Variants in MAGI2 observed in about 807,000 individuals in gnomAD.
MAGI2 encodes the protein membrane-associated guanylate kinase, WW and PDZ domain-containing protein 2.
A neutral mutation model predicts 133.3 loss-of-function variants in MAGI2; 35 were observed. The observed-to-expected ratio is 0.26, with a 90% CI of 0.20 to 0.35. The LOEUF is 0.35. Ranked by LOEUF, MAGI2 falls within the 10% of genes least tolerant of loss-of-function variation. The pLI is 1.00. For synonymous variants in MAGI2, 729 were observed against 710.6 expected, an observed-to-expected ratio of 1.03 and a Z score of -0.41; for missense variants, 1,636 against 1,863.4, an observed-to-expected ratio of 0.88 and a Z score of 2.25.
chr7:78,362,964 A>G (rs893303939), intron 7 of MAGI2, among the ~76,000 whole-genome samples: 1 of 152,202 alleles, frequency 6.6e-6, no homozygotes, highest in Admixed American at 6.5e-5. Context: ...TCCTTTGTAC[A>G]TGTTGTGACT....
chr7:79,309,968 TA>T lies in MAGI2; in HGVS notation c.301+143051del, dbSNP rs111847690. Among the ~76,000 whole-genome samples the T allele has an allele frequency of 4.0e-3, 403 of 101,488 alleles. 2 individuals are homozygous for T. The highest frequency in any genetic ancestry group is 0.012 in the African/African-American group (314 of 26,972). The allele number at this position is 101,488 out of a possible 152,430, so 66.6% of individuals were successfully genotyped here. ...CAACATAGGGAAACCTTGTTTTTCC[TA>T]AAAAAAAAAAAAAAGAAAAGAAAAG... is the stretch of plus-strand genomic sequence containing the variant. On this transcript the variant is annotated intron_variant, in intron 1 of 21. Coordinates refer to ENST00000354212, the MANE Select transcript of MAGI2 (RefSeq NM_012301.4).
intron 6 of MAGI2, among the ~76,000 whole-genome samples, chr7:78,483,639 C>T (rs1326966399): frequency 6.6e-6 from 1 of 151,494 alleles, no homozygotes; most frequent in African/African-American, 2.4e-5. Context: ...TTATTTCCTC[C>T]ACAAAAGATT....
At chr7:78,124,527 T>C (rs1228300099) in intron 20 of MAGI2, among the ~76,000 whole-genome samples, 2 of 152,100 alleles carry the variant, frequency 1.3e-5, no homozygotes, top group African/African-American at 4.8e-5. Context: ...GACTTGGTGG[T>C]AGAAATAACA....
chr7:78,829,591 G>A (rs1315347877), intron 2 of MAGI2, among the ~76,000 whole-genome samples: 2 of 152,022 alleles, frequency 1.3e-5, no homozygotes, highest in South Asian at 2.1e-4. Flanking sequence ...CAAAAAGCCT[G>A]CTATAGATAA....
chr7:78,291,510 G>A (rs1041452327), intron 9 of MAGI2, among the ~76,000 whole-genome samples: 2 of 152,142 alleles, frequency 1.3e-5, no homozygotes, highest in Non-Finnish European at 2.9e-5. Flanking sequence ...GGTACAAGGA[G>A]GAGCTGGTAC....
intron 18 of MAGI2, among the ~76,000 whole-genome samples, chr7:78,130,104 G>A (rs1821412040): frequency 6.6e-6 from 1 of 152,112 alleles, no homozygotes; most frequent in Non-Finnish European, 1.5e-5. Flanking sequence ...TTTATACTTA[G>A]TTTTGAAATA....
chr7:79,152,873 G>C (rs1823393815), intron 1 of MAGI2, among the ~76,000 whole-genome samples: 2 of 152,130 alleles, frequency 1.3e-5, no homozygotes, highest in Admixed American at 1.3e-4. Context: ...ACTGAGTACA[G>C]ACTTAAGGTA....
intron 2 of MAGI2, among the ~76,000 whole-genome samples, chr7:78,830,354 C>A (rs1397502833): frequency 6.6e-6 from 1 of 152,078 alleles, no homozygotes; most frequent in African/African-American, 2.4e-5. Context: ...CAACAAACAG[C>A]TTTTCCATTT....
chr7:78,589,357 C>G (rs887504110), intron 3 of MAGI2, among the ~76,000 whole-genome samples: 4 of 152,172 alleles, frequency 2.6e-5, no homozygotes, highest in Non-Finnish European at 5.9e-5. Flanking sequence ...CACAGAGAAG[C>G]TAAACAGCTT....
chr7:78,369,731 C>T (rs1041720043), intron 6 of MAGI2, among the ~76,000 whole-genome samples: 5 of 151,872 alleles, frequency 3.3e-5, no homozygotes, highest in Admixed American at 2.6e-4. Flanking sequence ...TTGAATGCTG[C>T]CAATACACTC....
chr7:78,578,321 T>C (rs1013806786), intron 3 of MAGI2, among the ~76,000 whole-genome samples: 13 of 152,170 alleles, frequency 8.5e-5, no homozygotes, highest in African/African-American at 3.1e-4. Context: ...AAATATTACA[T>C]ATAATAAAGG....
intron 2 of MAGI2, among the ~76,000 whole-genome samples, chr7:78,755,390 A>T (rs1350415700): frequency 6.6e-6 from 1 of 152,208 alleles, no homozygotes; most frequent in Non-Finnish European, 1.5e-5. Context: ...GGTTTAATGT[A>T]TATTTGCAAT....
chr7:78,669,767 T>C (rs1814118668), intron 2 of MAGI2, among the ~76,000 whole-genome samples: 4 of 152,174 alleles, frequency 2.6e-5, no homozygotes, highest in African/African-American at 4.8e-5. Flanking sequence ...GCTGGTTCAA[T>C]ATATGCAAAT....
chr7:79,209,128 T>G (rs1829295468), intron 1 of MAGI2, among the ~76,000 whole-genome samples: 2 of 152,004 alleles, frequency 1.3e-5, no homozygotes, highest in Non-Finnish European at 2.9e-5. Context: ...TTGTATTCAA[T>G]AATACGTTGT....
chr7:79,171,378 A>C (rs1825525959), intron 1 of MAGI2, among the ~76,000 whole-genome samples: 1 of 152,010 alleles, frequency 6.6e-6, no homozygotes, highest in Non-Finnish European at 1.5e-5. Context: ...GGTCTACTCT[A>C]CTATAACTCA....
intron 10 of MAGI2, among the ~76,000 whole-genome samples, chr7:78,243,013 A>T (rs1791320549): frequency 6.6e-6 from 1 of 152,160 alleles, no homozygotes; most frequent in Admixed American, 6.5e-5. Context: ...TCAAGGCAGC[A>T]GTGAACTGTG....
At chr7:78,731,904 T>C (rs1302226349) in intron 2 of MAGI2, among the ~76,000 whole-genome samples, 1 of 152,086 alleles carries the variant, frequency 6.6e-6, no homozygotes, top group Admixed American at 6.5e-5. Flanking sequence ...GAATGTAAAA[T>C]TTCAGGAGAT....
intron 11 of MAGI2, among the ~76,000 whole-genome samples, chr7:78,198,214 G>T (rs1828903649): frequency 6.6e-6 from 1 of 152,122 alleles, no homozygotes; most frequent in Non-Finnish European, 1.5e-5. Context: ...CCACACCCAG[G>T]CCAATGTTTA....
At chr7:78,690,128 T>C (rs1012513002) in intron 2 of MAGI2, among the ~76,000 whole-genome samples, 3 of 152,226 alleles carry the variant, frequency 2.0e-5, no homozygotes, top group African/African-American at 4.8e-5. Context: ...TTTAAAGAAT[T>C]TGAACATACT....
Sources: gnomAD v4.1 joint callset for allele counts (sites outside exome capture counted in the v4.1 genomes callset) on GRCh38, gnomAD v4.1.1 for gene constraint, MANE v1.5 for transcripts, NCBI Gene and HGNC (gene_info 2026-07-23, HGNC 2026-07-21) for gene names.